The following ARID4B variants were observed in gnomAD, a reference collection of about 807,000 sequenced individuals.
ARID4B encodes the protein AT-rich interaction domain 4B.
Under a neutral mutation model 147.5 loss-of-function variants are expected in ARID4B, and 26 were observed. That is an observed-to-expected ratio of 0.18 (90% CI 0.13 to 0.24). The LOEUF (loss-of-function observed/expected upper bound fraction) is 0.24. ARID4B is among the 10% of genes least tolerant of loss of function. The probability of loss-of-function intolerance (pLI) is 1.00; values close to 1 mark genes in which losing one functional copy is unlikely to be tolerated. For missense variants in ARID4B, 1,179 were observed against 1,511.5 expected, an observed-to-expected ratio of 0.78 and a Z score of 3.65; for synonymous variants, 512 against 507.9, an observed-to-expected ratio of 1.01 and a Z score of -0.11.
chr1:235,194,733 C>T (rs1297167542), intron 18 of ARID4B, among the ~76,000 whole-genome samples: 5 of 152,048 alleles, frequency 3.3e-5, no homozygotes, highest in African/African-American at 9.7e-5. Context: ...GCAGGAGAAT[C>T]GCTTGAACCT....
rs1166758894 is a variant in ARID4B at position 235,227,830 on chromosome 1, ATTT to A, written c.897+1398_897+1400del. 1.0e-3 allele frequency among the ~76,000 whole-genome samples: 129 copies of A among 125,272 alleles called. 1 individual carries two copies. Among genetic ancestry groups the A allele is most frequent in the African/African-American group, 3.8e-3 (120 of 31,888 alleles). 82.2% of individuals were successfully genotyped at this position (125,272 alleles called of 152,430 possible). On this transcript the variant is annotated intron_variant, in intron 11 of 23. Transcript: ENST00000264183. ...AGATATTGATCTTTACTTTTCTGCT[ATTT>A]TTTTTTTTTTTTTTTTTGAGACGGG...
At chr1:235,205,367 A>G (rs1489333792) in intron 17 of ARID4B, among the ~76,000 whole-genome samples, 2 of 152,332 alleles carry the variant, frequency 1.3e-5, no homozygotes, top group East Asian at 3.9e-4. Flanking sequence ...AATATTTCCA[A>G]TCAAATTCAT....
intron 5 of ARID4B, among the ~76,000 whole-genome samples, chr1:235,254,829 G>A (rs1669850595): frequency 6.6e-6 from 1 of 151,958 alleles, no homozygotes; most frequent in Non-Finnish European, 1.5e-5. Context: ...CATATGAAAA[G>A]ATGTTCAATC....
At chr1:235,194,564 T>C (rs1253746375) in intron 18 of ARID4B, among the ~76,000 whole-genome samples, 2 of 152,182 alleles carry the variant, frequency 1.3e-5, no homozygotes, top group Non-Finnish European at 2.9e-5. Flanking sequence ...CTCACACCTG[T>C]AATCCCAGCA....
At chr1:235,195,741 GC>G (rs1354159287) in intron 18 of ARID4B, among the ~76,000 whole-genome samples, 4 of 152,168 alleles carry the variant, frequency 2.6e-5, no homozygotes, top group Non-Finnish European at 4.4e-5. Context: ...AAGTCACACT[GC>G]CTTATGGCTC....
chr1:235,211,103 G>A (rs1666687827), intron 17 of ARID4B, among the ~76,000 whole-genome samples: 1 of 152,218 alleles, frequency 6.6e-6, no homozygotes, highest in South Asian at 2.1e-4. Context: ...GGAGGCTGAG[G>A]CAGGTGGATC....
chr1:235,210,369 T>C (rs1666635829), intron 17 of ARID4B, among the ~76,000 whole-genome samples: 1 of 152,068 alleles, frequency 6.6e-6, no homozygotes, highest in Non-Finnish European at 1.5e-5. Flanking sequence ...CGCATAAATC[T>C]TCATTTCCAA....
chr1:235,204,009 A>G (rs1666128986), intron 17 of ARID4B, among the ~76,000 whole-genome samples: 1 of 152,160 alleles, frequency 6.6e-6, no homozygotes, highest in South Asian at 2.1e-4. Flanking sequence ...AAATGAAACA[A>G]AAAAGTAGTA....
intron 5 of ARID4B, among the ~76,000 whole-genome samples, chr1:235,253,110 A>C (rs1279040637): frequency 6.6e-6 from 1 of 152,262 alleles, no homozygotes; most frequent in Non-Finnish European, 1.5e-5. Flanking sequence ...AATGCTAATT[A>C]ACTCTTCTCA....
intron 19 of ARID4B, among the ~76,000 whole-genome samples, chr1:235,193,783 C>T (rs1665288683): frequency 6.6e-6 from 1 of 152,146 alleles, no homozygotes; most frequent in South Asian, 2.1e-4. Flanking sequence ...TTAGAATTTT[C>T]GGATTTGGCT....
chr1:235,307,808 C>T (rs908770363), intron 2 of ARID4B, among the ~76,000 whole-genome samples: 8 of 152,232 alleles, frequency 5.3e-5, no homozygotes, highest in South Asian at 2.1e-4. Context: ...TGTACAAAGC[C>T]TCTAATTTTC....
Position 235,262,277 on chromosome 1 carries a change from T to G in ARID4B, c.7-1525A>C, listed in dbSNP as rs1670339935. Among the ~76,000 whole-genome samples the G allele has an allele frequency of 2.6e-5, 4 of 152,018 alleles. No homozygotes were observed. The South Asian group carries it at 8.3e-4, about 31-fold the overall frequency. On this transcript the variant is annotated intron_variant, in intron 2 of 23. Coordinates refer to ENST00000264183, the MANE Select transcript of ARID4B (RefSeq NM_016374.6). ...CAATATTCTAGTGCTATAACAGGAGTGCCCACAATTATATCAGACCTCCAT... is the reference window on the plus strand; with the variant it reads ...CAATATTCTAGTGCTATAACAGGAGGGCCCACAATTATATCAGACCTCCAT...
At chr1:235,223,101 G>A (rs1356866463) in intron 13 of ARID4B, 65 bp downstream of exon 13, 1 of 1,075,752 alleles carries the variant, frequency 9.3e-7, no homozygotes, top group African/African-American at 1.7e-5. Flanking sequence ...CAATTTCAGA[G>A]ATGGCAGATA....
At chr1:235,276,655 C>A (rs1572135935) in intron 2 of ARID4B, among the ~76,000 whole-genome samples, 1 of 140,490 alleles carries the variant, frequency 7.1e-6, no homozygotes, top group East Asian at 1.9e-4. Context: ...CAGCAAGACC[C>A]TGTCTCTTTA....
At chr1:235,293,919 G>T (rs1672502266) in intron 2 of ARID4B, among the ~76,000 whole-genome samples, 1 of 152,186 alleles carries the variant, frequency 6.6e-6, no homozygotes, top group Non-Finnish European at 1.5e-5. Context: ...CTGACTTTAT[G>T]TCAGAAATTT....
chr1:235,283,804 C>T (rs1451354661), intron 2 of ARID4B, among the ~76,000 whole-genome samples: 1 of 152,094 alleles, frequency 6.6e-6, no homozygotes, highest in Non-Finnish European at 1.5e-5. Context: ...GGTGCAATCG[C>T]GGCTCACTGC....
At chr1:235,173,160 A>G (rs1663489210) in intron 22 of ARID4B, among the ~76,000 whole-genome samples, 1 of 152,024 alleles carries the variant, frequency 6.6e-6, no homozygotes. Context: ...CCTGGCCAAG[A>G]TGGTGAAACC....
intron 2 of ARID4B, among the ~76,000 whole-genome samples, chr1:235,299,085 G>A (rs750285458): frequency 2.0e-4 from 30 of 151,814 alleles, no homozygotes; most frequent in Non-Finnish European, 2.8e-4. Context: ...GAGATGCCAC[G>A]TCAAAAAAAA....
intron 5 of ARID4B, among the ~76,000 whole-genome samples, chr1:235,253,278 A>C (rs558236503): frequency 6.6e-4 from 100 of 152,316 alleles, no homozygotes; most frequent in African/African-American, 2.3e-3. Flanking sequence ...GTCACTAGTG[A>C]CATACTGCAC....
Sources: allele counts gnomAD v4.1 joint callset (sites outside exome capture counted in the v4.1 genomes callset), GRCh38; gene constraint gnomAD v4.1.1; transcripts MANE v1.5; gene names NCBI Gene and HGNC (gene_info 2026-07-23, HGNC 2026-07-21).